PTPRD: variants seen among roughly 807,000 people sequenced by gnomAD.
The protein encoded by PTPRD is protein tyrosine phosphatase receptor type D.
PTPRD carries 34 observed loss-of-function variants against 214.5 expected under a neutral mutation model. The observed-to-expected ratio is 0.16, with a 90% CI of 0.12 to 0.21. The LOEUF (loss-of-function observed/expected upper bound fraction) is 0.21, where lower values mean the gene tolerates loss of function less well. Ranked by LOEUF, PTPRD falls within the 10% of genes least tolerant of loss-of-function variation. PTPRD has a pLI of 1.00. For missense variants in PTPRD, 2,545 were observed against 2,398.7 expected (o/e 1.06, Z -1.27); for synonymous variants, 1,128 against 845.7 (o/e 1.33, Z -5.79).
chr9:10,047,510 A>G (rs998833400), intron 3 of PTPRD, among the ~76,000 whole-genome samples: 1 of 152,000 alleles, frequency 6.6e-6, no homozygotes, highest in Non-Finnish European at 1.5e-5. Flanking sequence ...TAGCCAAGGA[A>G]AATATCTTCC....
chr9:9,836,772 T>G (rs560186466), intron 5 of PTPRD, among the ~76,000 whole-genome samples: 1 of 152,306 alleles, frequency 6.6e-6, no homozygotes, highest in East Asian at 1.9e-4. Flanking sequence ...AAAACTTACC[T>G]ATGTCTCAGG....
chr9:9,020,894 A>T (rs2099567205), intron 10 of PTPRD, among the ~76,000 whole-genome samples: 1 of 152,144 alleles, frequency 6.6e-6, no homozygotes. Context: ...CCTCTAAATA[A>T]CCAGAATGAG....
At chr9:8,832,118 G>A (rs1032328819) in intron 11 of PTPRD, among the ~76,000 whole-genome samples, 1 of 151,900 alleles carries the variant, frequency 6.6e-6, no homozygotes, top group African/African-American at 2.4e-5. Flanking sequence ...GTGTGTGTGT[G>A]TGTGTGTGTG....
intron 2 of PTPRD, among the ~76,000 whole-genome samples, chr9:10,553,566 T>C (rs2061819869): frequency 8.0e-6 from 1 of 125,614 alleles, no homozygotes; most frequent in South Asian, 2.5e-4. Context: ...GTACTTTCTT[T>C]TTATAACACA....
chr9:9,335,836 A>C (rs1214109832), intron 9 of PTPRD, among the ~76,000 whole-genome samples: 2 of 152,148 alleles, frequency 1.3e-5, no homozygotes, highest in Non-Finnish European at 2.9e-5. Context: ...TGGACTTTCA[A>C]CTTTTGCAAC....
chr9:9,488,387 C>T (rs1295282103), intron 8 of PTPRD, among the ~76,000 whole-genome samples: 3 of 152,044 alleles, frequency 2.0e-5, no homozygotes, highest in Non-Finnish European at 4.4e-5. Context: ...CCATACTTTC[C>T]AGTATACGCC....
intron 9 of PTPRD, among the ~76,000 whole-genome samples, chr9:9,395,132 C>G (rs2067293940): frequency 1.3e-5 from 2 of 151,078 alleles, no homozygotes; most frequent in Non-Finnish European, 2.9e-5. Context: ...TCCCCTCATC[C>G]ATAGAGAGAA....
chr9:9,136,831 G>C (rs529802939), intron 10 of PTPRD, among the ~76,000 whole-genome samples: 2 of 152,078 alleles, frequency 1.3e-5, no homozygotes, highest in Non-Finnish European at 2.9e-5. Context: ...AAGAATTTTG[G>C]AAGTAAAATA....
At chr9:10,181,567 A>G (rs1251819620) in intron 3 of PTPRD, among the ~76,000 whole-genome samples, 1 of 152,072 alleles carries the variant, frequency 6.6e-6, no homozygotes, top group Non-Finnish European at 1.5e-5. Flanking sequence ...ATCAGTTGGT[A>G]AAACAATTTT....
chr9:10,612,208 CAAAAAAA>C (rs35311745), intron 2 of PTPRD, among the ~76,000 whole-genome samples, 183 bp downstream of exon 2: 139 of 126,746 alleles, frequency 1.1e-3, no homozygotes, highest in Middle Eastern at 4.3e-3. Flanking sequence ...AGGGCTCTTC[CAAAAAAA>C]AAAAAAAAAG....
intron 8 of PTPRD, among the ~76,000 whole-genome samples, chr9:9,520,171 A>G (rs864353): frequency 0.29 from 43,955 of 150,810 alleles, 7,743 homozygotes; most frequent in Non-Finnish European, 0.38. Flanking sequence ...TTTCTGTTGA[A>G]ATGTAATGCT....
chr9:10,212,846 C>A (rs994136185), intron 3 of PTPRD, among the ~76,000 whole-genome samples: 1 of 152,132 alleles, frequency 6.6e-6, no homozygotes, highest in African/African-American at 2.4e-5. Context: ...TTCTTTCCCA[C>A]AAGGCTTGAG....
chr9:10,415,101 A>G (rs1054942034), intron 2 of PTPRD, among the ~76,000 whole-genome samples: 1 of 151,864 alleles, frequency 6.6e-6, no homozygotes. Context: ...AAAAGTAAAA[A>G]TAAATAGATA....
At chr9:10,193,604 A>G (rs1334922706) in intron 3 of PTPRD, among the ~76,000 whole-genome samples, 1 of 152,164 alleles carries the variant, frequency 6.6e-6, no homozygotes, top group African/African-American at 2.4e-5. Flanking sequence ...ATGTCAAGAT[A>G]CAGTGTTTCT....
Position 9,242,450 on chromosome 9 carries a change from G to C in PTPRD, c.-202-59087C>G, listed in dbSNP as rs531014155. 3.9e-5 allele frequency among the ~76,000 whole-genome samples: 6 copies of C among 152,220 alleles called. No individual in the cohort carries two copies. The South Asian group carries it at 1.2e-3, about 32-fold the overall frequency. On this transcript the variant is annotated intron_variant, in intron 9 of 45. Transcript: ENST00000381196. ...TATCCTGCAGAGTGTTTTCCAACTT[G>C]GTTCCATTCTCCCTGTCACTTTCAG... is the stretch of plus-strand genomic sequence containing the variant.
At chr9:9,283,693 G>A (rs10124758) in intron 9 of PTPRD, among the ~76,000 whole-genome samples, 15,842 of 151,164 alleles carry the variant, frequency 0.1, 1,070 homozygotes, top group Non-Finnish European at 0.15. Flanking sequence ...GACTGGGGCT[G>A]GAAAAAAAAT....
chr9:10,275,902 AG>A (rs2094657794), intron 3 of PTPRD, among the ~76,000 whole-genome samples: 1 of 152,192 alleles, frequency 6.6e-6, no homozygotes, highest in Non-Finnish European at 1.5e-5. Flanking sequence ...ATATGGCACA[AG>A]GGGTTTGAGA....
chr9:10,501,877 G>C (rs547306324), intron 2 of PTPRD, among the ~76,000 whole-genome samples: 4 of 151,918 alleles, frequency 2.6e-5, no homozygotes, highest in Non-Finnish European at 4.4e-5. Context: ...AATCACACAA[G>C]GAGTATTAAA....
intron 3 of PTPRD, among the ~76,000 whole-genome samples, chr9:10,092,442 A>G (rs779559699): frequency 1.3e-5 from 2 of 151,446 alleles, no homozygotes; most frequent in Non-Finnish European, 3.0e-5. Flanking sequence ...TTCTGCTGAG[A>G]AAATTTGGAA....
Sources: allele counts gnomAD v4.1 joint callset (sites outside exome capture counted in the v4.1 genomes callset), GRCh38; gene constraint gnomAD v4.1.1; transcripts MANE v1.5; gene names NCBI Gene and HGNC (gene_info 2026-07-23, HGNC 2026-07-21).